Variants in SIRT2 observed in about 807,000 individuals in gnomAD.
The protein encoded by SIRT2 is NAD-dependent protein deacetylase sirtuin-2.
Under a neutral mutation model 57.4 loss-of-function variants are expected in SIRT2, and 40 were observed. The observed-to-expected ratio is 0.70, with a 90% CI of 0.54 to 0.91. The LOEUF (loss-of-function observed/expected upper bound fraction) is 0.91. Ranked by LOEUF, SIRT2 falls within the 40% of genes least tolerant of loss-of-function variation. The pLI is 0.00. For missense variants in SIRT2, 439 were observed against 510.4 expected (o/e 0.86, Z 1.35); for synonymous variants, 161 against 195.7 (o/e 0.82, Z 1.48).
intron 7 of SIRT2, 42 bp downstream of exon 7, chr19:38,889,647 C>G (rs1325145559): frequency 6.2e-7 from 1 of 1,611,342 alleles, no homozygotes; most frequent in Admixed American, 1.7e-5. Flanking sequence ...GTGCCCTCCC[C>G]CAACCCTTCC....
In SIRT2 at chr19:38,878,957, G is replaced by A. The variant is rs1973027644; in HGVS notation, c.*198C>T. 1.8e-6 allele frequency: 1 copy of A among 551,152 alleles called. No individual in the cohort carries two copies. The highest frequency in any genetic ancestry group is 3.1e-6 in the Non-Finnish European group (1 of 320,332). 34.1% of individuals were successfully genotyped at this position (551,152 alleles called of 1,614,324 possible). On this transcript the variant is annotated 3_prime_UTR_variant, in exon 16 of 16. Coordinates refer to ENST00000249396, the MANE Select transcript of SIRT2 (RefSeq NM_012237.4). ...TGGTAGAGATGCCTGTTTAAGCCTTGGCCTCTAGGAGGTGTTAGAGATTTG... is the reference window on the plus strand; with the variant it reads ...TGGTAGAGATGCCTGTTTAAGCCTTAGCCTCTAGGAGGTGTTAGAGATTTG...
intron 8 of SIRT2, among the ~76,000 whole-genome samples, chr19:38,887,330 G>A (rs1253899020): frequency 1.3e-5 from 2 of 152,184 alleles, no homozygotes; most frequent in Non-Finnish European, 1.5e-5. Context: ...AGGGCCAGCG[G>A]GGTCTTGGGG....
At position 38,889,112 on chromosome 19, in the gene SIRT2, C is replaced by T; in HGVS notation, c.476G>A (p.Gly159Glu). The T allele has an allele frequency of 6.2e-7, 1 of 1,612,994 alleles. No homozygotes were observed. The highest frequency in any genetic ancestry group is 1.3e-5 in the African/African-American group (1 of 75,048). ...HYFMRLLKDK[G>E]LLLRCYTQNI... ...CTGCGTGTAGCAGCGCAGGAGTAGC[C>T]CCTTGTCCTTCAGCAGGCGCATGAA... The change falls in exon 8 of 16, where the codon GGG becomes GAG. Residue 159 changes from glycine (G) to glutamate (E), a missense_variant. Gly to Glu is a moderately conservative substitution (Grantham distance 98, BLOSUM62 -2). Transcript: ENST00000249396.
At chr19:38,895,574 C>T (rs1600130075) in intron 2 of SIRT2, among the ~76,000 whole-genome samples, 2 of 152,338 alleles carry the variant, frequency 1.3e-5, no homozygotes, top group South Asian at 2.1e-4. Flanking sequence ...CACTGCTCTG[C>T]GTCCAAGTCT....
chr19:38,892,037 T>A (rs1973555799), intron 4 of SIRT2: 1 of 397,692 alleles, frequency 2.5e-6, no homozygotes, highest in African/African-American at 2.1e-5. Flanking sequence ...GGGTCGATTG[T>A]TCTAGTTGAG....
rs761795880 is a variant in SIRT2 at position 38,889,752 on chromosome 19, G to A, written c.376-7C>T. On this transcript the variant is annotated splice_polypyrimidine_tract_variant and splice_region_variant and intron_variant, in intron 6 of 15. Transcript: ENST00000249396. ...AGAAGGGTTCCGGATGTTTCTGTAG[G>A]AGAGACAGCCAGAGGGCCAGATGCC... is the stretch of plus-strand genomic sequence containing the variant. 2 of 1,614,168 alleles carry A rather than the reference G, an allele frequency of 1.2e-6. No homozygotes were observed. The highest frequency in any genetic ancestry group is 1.7e-6 in the Non-Finnish European group (2 of 1,180,028).
At chr19:38,882,314 C>T (rs933944512) in intron 9 of SIRT2, among the ~76,000 whole-genome samples, 2 of 152,088 alleles carry the variant, frequency 1.3e-5, no homozygotes, top group Non-Finnish European at 2.9e-5. Flanking sequence ...TGTGCCTGGC[C>T]TTATTTCTTA....
rs572406736 is a variant in SIRT2 at position 38,879,564 on chromosome 19, C to A, written c.948-64G>T. 2.2e-4 allele frequency: 350 copies of A among 1,556,206 alleles called. 3 individuals are homozygous for A. In the East Asian group the frequency reaches 8.4e-3, roughly 37 times the overall value. On this transcript the variant is annotated intron_variant, in intron 14 of 15. Transcript: ENST00000249396. Reference sequence around the variant, plus strand: ...CGCCCCTGCCTGCTCCTCTCATCTGCCTTCGTGCCCCCGCTCCCACCTCAC... The same window carrying A: ...CGCCCCTGCCTGCTCCTCTCATCTGACTTCGTGCCCCCGCTCCCACCTCAC...
chr19:38,888,164 C>T (rs9941448), intron 8 of SIRT2, among the ~76,000 whole-genome samples: 23,140 of 152,134 alleles, frequency 0.15, 2,806 homozygotes, highest in East Asian at 0.37. Context: ...GAGGCAGCAA[C>T]ATTTTGTTGT....
intron 10 of SIRT2, 90 bp from the exon 11 acceptor site, chr19:38,881,245 T>A: frequency 7.5e-7 from 1 of 1,334,142 alleles, no homozygotes; most frequent in East Asian, 2.4e-5. Flanking sequence ...GAGGCCACAG[T>A]GGGAGTTGGG....
rs199703852 is a variant in SIRT2, at chr19:38,878,685, G to A, written c.*470C>T. ...TTTGGGAGCTGAAGGCAGAGACTCG[G>A]GAGCCCTCCCGGCTCAGACTCCCCC... On this transcript the variant is annotated 3_prime_UTR_variant, in exon 16 of 16. Transcript: ENST00000249396. 181 of 154,494 alleles carry A rather than the reference G, an allele frequency of 1.2e-3. No individual in the cohort carries two copies. Among genetic ancestry groups the A allele is most frequent in the Non-Finnish European group, 2.1e-3 (149 of 69,580 alleles). The allele number at this position is 154,494 out of a possible 1,614,324, so 9.6% of individuals were successfully genotyped here.
chr19:38,880,880 G>T lies in SIRT2; in HGVS notation c.765C>A (p.Asp255Glu). The T allele has an allele frequency of 6.2e-7, 1 of 1,613,676 alleles. No homozygotes were observed. Among genetic ancestry groups the T allele is most frequent in the South Asian group, 1.1e-5 (1 of 91,062 alleles). The change falls in exon 12 of 16, where the codon GAC (aspartate) becomes GAA (glutamate). Residue 255 changes from aspartate to glutamate, a missense_variant. Asp to Glu is a conservative substitution (Grantham distance 45). Coordinates refer to ENST00000249396, the MANE Select transcript of SIRT2 (RefSeq NM_012237.4). This position sits in a 1 kb window ranked among gnomAD's most constrained non-coding sequence, Gnocchi z 4.1. ...SCMQSDFLKV[D>E]LLLVMGTSLQ... ...AGGAGGTACCCATGACCAGGAGGAG[G>T]TCCACCTTCAGGAAGTCCTGCGGGG...
At chr19:38,898,483 G>T in intron 1 of SIRT2, 58 bp from the exon 2 acceptor site, 1 of 1,152,274 alleles carries the variant, frequency 8.7e-7, no homozygotes, top group South Asian at 1.9e-5. Context: ...GGGGAATAAA[G>T]GGGTTCAAAT....
At position 38,893,434 on chromosome 19, in the gene SIRT2, C is replaced by A. The variant is rs201911244; in HGVS notation, c.206G>T (p.Arg69Leu). ...CTCACAGCGTTCGCTCTGCATGTAC[C>A]GGGCCACCCCTTCCAAGGTCAGCTC... The part of the protein sequence containing the change: ...LDELTLEGVA[R>L]YMQSERCRRV... Residue 69 changes from arginine to leucine, a missense_variant, in exon 4 of 16, where the codon CGG (arginine) becomes CTG (leucine). Transcript: ENST00000249396. 1.9e-6 allele frequency: 3 copies of A among 1,613,202 alleles called. No individual in the cohort carries two copies. The South Asian group carries it at 3.3e-5, about 18-fold the overall frequency.
intron 8 of SIRT2, among the ~76,000 whole-genome samples, chr19:38,888,871 C>A (rs539910958): frequency 7.2e-5 from 11 of 152,198 alleles, no homozygotes; most frequent in Non-Finnish European, 1.0e-4. Context: ...AGAGGGCAAA[C>A]CTTTTCTGGC....
At chr19:38,892,188 G>T (rs1973560141) in intron 4 of SIRT2, among the ~76,000 whole-genome samples, 1 of 152,086 alleles carries the variant, frequency 6.6e-6, no homozygotes, top group Non-Finnish European at 1.5e-5. Flanking sequence ...CTGAGCTCAG[G>T]TGTTCAAGAC....
intron 4 of SIRT2, chr19:38,890,443 A>C: frequency 2.4e-6 from 1 of 412,524 alleles, no homozygotes; most frequent in East Asian, 4.6e-5. Context: ...GTAATCCCAG[A>C]ACTTTGGGAG....
At chr19:38,881,673 A>AT (rs371041365) in intron 9 of SIRT2, among the ~76,000 whole-genome samples, 182 bp from the exon 10 acceptor site, 62 of 149,034 alleles carry the variant, frequency 4.2e-4, no homozygotes, top group African/African-American at 1.4e-3. Flanking sequence ...TTGTTGTTGC[A>AT]TTTTTTTTGT....
chr19:38,883,859 GGGGACAGGT>G, intron 8 of SIRT2, 103 bp from the exon 9 acceptor site: 1 of 1,265,192 alleles, frequency 7.9e-7, no homozygotes. Context: ...GTGAGGTGGT[GGGGACAGGT>G]GGAGAAGGGA....
Sources: gnomAD v4.1 joint callset for allele counts (sites outside exome capture counted in the v4.1 genomes callset) on GRCh38, gnomAD v4.1.1 for gene constraint, Gnocchi (gnomAD v3.1) non-coding constraint, MANE v1.5 for transcripts, NCBI Gene and HGNC (gene_info 2026-07-23, HGNC 2026-07-21) for gene names.